Variants in ARHGEF11 observed in about 807,000 individuals in gnomAD.
The protein encoded by ARHGEF11 is Rho guanine nucleotide exchange factor 11.
A neutral mutation model predicts 193.7 loss-of-function variants in ARHGEF11; 55 were observed. The ratio of observed to expected loss-of-function variants is 0.28; its 90% confidence interval spans 0.23 to 0.36. The LOEUF (loss-of-function observed/expected upper bound fraction) is 0.36. ARHGEF11 is among the 10% of genes least tolerant of loss of function. The pLI, the probability that ARHGEF11 is intolerant of heterozygous loss-of-function variation, is 1.00. For synonymous variants in ARHGEF11, 693 were observed against 768.0 expected, an observed-to-expected ratio of 0.90 and a Z score of 1.62; for missense variants, 1,723 against 2,005.6, an observed-to-expected ratio of 0.86 and a Z score of 2.69.
chr1:157,003,872 T>TA (rs1211571098), intron 1 of ARHGEF11, among the ~76,000 whole-genome samples: 2 of 152,214 alleles, frequency 1.3e-5, no homozygotes, highest in Non-Finnish European at 2.9e-5. Context: ...ACGGGATTGT[T>TA]AAGAGATTAA....
At chr1:157,029,167 CAAAAAAAAAA>C (rs778433244) in intron 1 of ARHGEF11, among the ~76,000 whole-genome samples, 1 of 50,510 alleles carries the variant, frequency 2.0e-5, no homozygotes, top group Non-Finnish European at 4.2e-5. Flanking sequence ...GACCCTGTCT[CAAAAAAAAAA>C]AAAAAAAAAA....
In ARHGEF11 at chr1:156,946,657, C is replaced by T. The variant is rs773918738; in HGVS notation, c.2694+5G>A. On this transcript the variant is annotated splice_donor_5th_base_variant and intron_variant, in intron 28 of 40. Transcript: ENST00000368194. ...AGGAAGGCCAAGGCATGGCCAAGGACGCACCTGCATGAAGAGCTGGAATCG... is the reference window on the plus strand; with the variant it reads ...AGGAAGGCCAAGGCATGGCCAAGGATGCACCTGCATGAAGAGCTGGAATCG... 6.2e-7 allele frequency: 1 copy of T among 1,613,972 alleles called. No individual in the cohort carries two copies.
At position 156,936,480 on chromosome 1, in the gene ARHGEF11, GA is replaced by G. The variant is rs35863393; in HGVS notation, c.4630+335del. On this transcript the variant is annotated intron_variant, in intron 40 of 40. Coordinates refer to ENST00000368194, the MANE Select transcript of ARHGEF11 (RefSeq NM_198236.3). ...GGCCAGCCCTTGTCTCAAATAAATA[GA>G]AAAAAAAAAAAAAAAAATATATATA... 9.4e-3 allele frequency among the ~76,000 whole-genome samples: 453 copies of G among 48,012 alleles called. 4 individuals carry two copies. Among genetic ancestry groups the G allele is most frequent in the South Asian group, 0.025 (20 of 788 alleles). The allele number at this position is 48,012 out of a possible 152,430, so 31.5% of individuals were successfully genotyped here.
intron 11 of ARHGEF11, 121 bp from the exon 12 acceptor site, chr1:156,963,715 G>T: frequency 6.7e-7 from 1 of 1,491,960 alleles, no homozygotes; most frequent in South Asian, 1.4e-5. Flanking sequence ...TCTGGTGAAC[G>T]TTGGCATCTC....
At chr1:156,958,261 A>G (rs1660254651) in intron 17 of ARHGEF11, among the ~76,000 whole-genome samples, 1 of 152,194 alleles carries the variant, frequency 6.6e-6, no homozygotes, top group Admixed American at 6.5e-5. Flanking sequence ...AAACATAACA[A>G]AAGCGGCTGT....
intron 1 of ARHGEF11, among the ~76,000 whole-genome samples, chr1:156,987,081 G>A (rs1052098222): frequency 6.6e-6 from 1 of 152,186 alleles, no homozygotes; most frequent in East Asian, 1.9e-4. Flanking sequence ...CACAGGAATA[G>A]AAGAAATTTC....
At chr1:157,018,861 C>T (rs926623602) in intron 1 of ARHGEF11, among the ~76,000 whole-genome samples, 1 of 152,116 alleles carries the variant, frequency 6.6e-6, no homozygotes, top group African/African-American at 2.4e-5. Context: ...GATGCCAACA[C>T]AATTCAATGA....
intron 32 of ARHGEF11, among the ~76,000 whole-genome samples, chr1:156,943,689 A>ACTGTGCTTGGGGACTGCTGACCACCC (rs1288957922): frequency 2.6e-5 from 4 of 152,124 alleles, no homozygotes; most frequent in Non-Finnish European, 5.9e-5. Context: ...CCCATCCAGC[A>ACTGTGCTTGGGGACTGCTGACCACCC]CTGTGCTTGG....
At position 156,935,489 on chromosome 1, in the gene ARHGEF11, AG is replaced by A. The variant is rs1654887633; in HGVS notation, c.*510del. On this transcript the variant is annotated 3_prime_UTR_variant, in exon 41 of 41. Transcript: ENST00000368194. ...AGCACTTCAGGAACAGGAACAAAAA[AG>A]GTCAAAGTTATTTACAATAGCAAAG... is the stretch of plus-strand genomic sequence containing the variant. 6.6e-6 allele frequency: 1 copy of A among 152,656 alleles called. No individual in the cohort carries two copies. The highest frequency in any genetic ancestry group is 2.1e-4 in the South Asian group (1 of 4,842). 9.5% of individuals were successfully genotyped at this position (152,656 alleles called of 1,614,324 possible).
At chr1:156,951,429 T>A in intron 22 of ARHGEF11, 144 bp downstream of exon 22, 1 of 1,089,630 alleles carries the variant, frequency 9.2e-7, no homozygotes, top group Non-Finnish European at 1.3e-6. Context: ...CTCCTGAAGA[T>A]ACTGGGGGTG....
Position 156,951,559 on chromosome 1 carries a change from C to G in ARHGEF11, c.1925+14G>C, listed in dbSNP as rs781645153. On this transcript the variant is annotated intron_variant, in intron 22 of 40. Coordinates refer to ENST00000368194, the MANE Select transcript of ARHGEF11 (RefSeq NM_198236.3). ...TCTTCGAGCAGCTGGCGAGTCCCAT[C>G]CAGCCAGTGCTACCTGTCACTCTCC... 1 of 1,613,404 alleles carries G rather than the reference C, an allele frequency of 6.2e-7. No individual in the cohort carries two copies. Among genetic ancestry groups the G allele is most frequent in the African/African-American group, 1.3e-5 (1 of 74,918 alleles).
intron 16 of ARHGEF11, 22 bp from the exon 17 acceptor site, chr1:156,958,886 A>G (rs1055724982): frequency 6.2e-7 from 1 of 1,613,970 alleles, no homozygotes; most frequent in Non-Finnish European, 8.5e-7. Flanking sequence ...AAACACAGGG[A>G]AAGAAAGAAA....
intron 1 of ARHGEF11, among the ~76,000 whole-genome samples, chr1:157,006,440 G>A (rs78761269): frequency 0.037 from 5,607 of 151,472 alleles, 348 homozygotes; most frequent in African/African-American, 0.13. Flanking sequence ...GAGCGGGACT[G>A]TGAGAGGGAG....
intron 10 of ARHGEF11, among the ~76,000 whole-genome samples, chr1:156,968,530 T>C (rs1013613651): frequency 5.4e-5 from 8 of 147,938 alleles, no homozygotes; most frequent in African/African-American, 2.0e-4. Context: ...CACTCCACTT[T>C]CTTGGTGACT....
intron 29 of ARHGEF11, chr1:156,945,692 G>T: frequency 3.8e-6 from 1 of 261,676 alleles, no homozygotes; most frequent in Non-Finnish European, 7.4e-6. Flanking sequence ...TGTCTTTTGT[G>T]CACTGCAGGG....
intron 1 of ARHGEF11, among the ~76,000 whole-genome samples, chr1:157,026,030 A>G (rs1013030634): frequency 6.6e-6 from 1 of 152,240 alleles, no homozygotes; most frequent in African/African-American, 2.4e-5. Context: ...TTGCAACAGC[A>G]CCCTAACTAC....
At chr1:157,016,015 A>G (rs915930017) in intron 1 of ARHGEF11, among the ~76,000 whole-genome samples, 1 of 152,102 alleles carries the variant, frequency 6.6e-6, no homozygotes, top group Non-Finnish European at 1.5e-5. Flanking sequence ...GTGTGTGGAT[A>G]TCTCTAAGAT....
intron 1 of ARHGEF11, among the ~76,000 whole-genome samples, chr1:157,017,664 G>A (rs898462302): frequency 4.7e-5 from 6 of 128,006 alleles, no homozygotes; most frequent in Admixed American, 2.0e-4. Context: ...CCAAGACCGC[G>A]CCACTGTGCT....
intron 1 of ARHGEF11, among the ~76,000 whole-genome samples, chr1:156,995,130 C>T (rs996785651): frequency 6.6e-6 from 1 of 152,224 alleles, no homozygotes; most frequent in Non-Finnish European, 1.5e-5. Context: ...ATTTAAGAGA[C>T]CATCATCTCT....
Sources: allele counts gnomAD v4.1 joint callset (sites outside exome capture counted in the v4.1 genomes callset), GRCh38; gene constraint gnomAD v4.1.1; transcripts MANE v1.5; gene names NCBI Gene and HGNC (gene_info 2026-07-23, HGNC 2026-07-21).